The following CNTNAP3B variants were observed in gnomAD, a reference collection of about 807,000 sequenced individuals.
CNTNAP3B encodes contactin-associated protein-like 3B.
CNTNAP3B carries 25 observed loss-of-function variants against 108.9 expected under a neutral mutation model. The ratio of observed to expected loss-of-function variants is 0.23; its 90% CI spans 0.17 to 0.32. The LOEUF is 0.32. Among genes scored for constraint, CNTNAP3B ranks in the 10% least tolerant of loss-of-function variants. CNTNAP3B has a pLI of 1.00. For missense variants in CNTNAP3B, 252 were observed against 1,210.4 expected (o/e 0.21, Z 11.75); for synonymous variants, 103 against 473.4 (o/e 0.22, Z 10.16).
intron 13 of CNTNAP3B, among the ~76,000 whole-genome samples, chr9:41,943,345 ATTTTTTTT>A (rs1165684239): frequency 0.091 from 12,053 of 132,330 alleles, 100 homozygotes; most frequent in Middle Eastern, 0.17. Context: ...TTGGACAATA[ATTTTTTTT>A]TTTTTTTTTT....
chr9:41,894,579 T>C (rs1823386619), intron 23 of CNTNAP3B, among the ~76,000 whole-genome samples: 1 of 18,086 alleles, frequency 5.5e-5, no homozygotes, highest in Non-Finnish European at 1.1e-4. Flanking sequence ...AGTAATTTTA[T>C]AACATTTAAC....
chr9:41,953,310 C>T lies in CNTNAP3B; in HGVS notation c.1953G>A (p.Pro651=), dbSNP rs1343583158. Residue 651 remains proline, a synonymous_variant, in exon 13 of 24, where the codon CCG becomes CCA. Coordinates refer to ENST00000377561, the MANE Select transcript of CNTNAP3B (RefSeq NM_001201380.3). ...VTLRGAPSGH[P]LSAVSFAYAA... is the part of the protein sequence containing the mutation. ...CGTACGCGAAGGACACAGCCGAGAG[C>T]GGGTGCCCGCTGGGGGCACCTCGGA... 2.6e-6 allele frequency: 4 copies of T among 1,537,746 alleles called. No individual in the cohort carries two copies. The highest frequency in any genetic ancestry group is 3.5e-6 in the Non-Finnish European group (4 of 1,150,020).
chr9:41,942,122 T>C (rs1824365862), intron 13 of CNTNAP3B, among the ~76,000 whole-genome samples: 1 of 152,274 alleles, frequency 6.6e-6, no homozygotes, highest in Non-Finnish European at 1.5e-5. Flanking sequence ...TGAGAAGCAC[T>C]CTGAAGGTCA....
chr9:42,120,113 TCAAA>T (rs1828425993), intron 1 of CNTNAP3B, among the ~76,000 whole-genome samples: 2 of 150,414 alleles, frequency 1.3e-5, no homozygotes, highest in South Asian at 4.2e-4. Context: ...TACAATGAAC[TCAAA>T]CAAATTTACA....
At chr9:41,954,763 A>G (rs1364354901) in intron 12 of CNTNAP3B, among the ~76,000 whole-genome samples, 3 of 152,262 alleles carry the variant, frequency 2.0e-5, no homozygotes, top group Non-Finnish European at 2.9e-5. Flanking sequence ...AGCTCACTGC[A>G]GCCTCTGCCT....
chr9:41,977,299 TA>T (rs1261522706), intron 9 of CNTNAP3B, among the ~76,000 whole-genome samples: 3 of 151,598 alleles, frequency 2.0e-5, no homozygotes, highest in South Asian at 2.1e-4. Flanking sequence ...TAGTATCACT[TA>T]AAAAAATGAA....
Position 42,114,734 on chromosome 9 carries a change from C to A in CNTNAP3B, c.86-9995G>T, listed in dbSNP as rs1828274919. 1.6e-5 allele frequency among the ~76,000 whole-genome samples: 2 copies of A among 126,132 alleles called. 1 individual carries two copies. The highest frequency in any genetic ancestry group is 6.9e-5 in the African/African-American group (2 of 29,196). 82.7% of individuals were successfully genotyped at this position (126,132 alleles called of 152,430 possible). A position where few individuals can be genotyped will look rare whatever the true frequency, so the allele number is the denominator to read the frequency against. On this transcript the variant is annotated intron_variant, in intron 1 of 23. Transcript: ENST00000377561. ...ATGTGAAAAGCTACCCAAATGAAAC[C>A]CAGAAAAAACATGTTCCACTGAAGA...
intron 2 of CNTNAP3B, among the ~76,000 whole-genome samples, chr9:42,087,462 G>A (rs62558905): frequency 0.92 from 105,658 of 115,212 alleles, 49,224 homozygotes; most frequent in Non-Finnish European, 0.95. Flanking sequence ...ACTGCAGTAG[G>A]TTCCCCAAGC....
At chr9:42,063,487 C>G (rs1171967626) in intron 3 of CNTNAP3B, among the ~76,000 whole-genome samples, 2 of 133,384 alleles carry the variant, frequency 1.5e-5, no homozygotes, top group Non-Finnish European at 3.2e-5. Context: ...CTGCAGAATA[C>G]TCTTTTTGTC....
chr9:41,915,680 A>G (rs1426069587), intron 18 of CNTNAP3B, among the ~76,000 whole-genome samples: 7 of 144,468 alleles, frequency 4.8e-5, no homozygotes, highest in Non-Finnish European at 6.1e-5. Context: ...TTGTTTTTCA[A>G]TCATGAAAGG....
chr9:42,074,958 A>T (rs1317269160), intron 3 of CNTNAP3B, among the ~76,000 whole-genome samples: 2 of 146,048 alleles, frequency 1.4e-5, no homozygotes, highest in African/African-American at 5.3e-5. Flanking sequence ...AAAGTGATGG[A>T]GGCCATACGT....
chr9:42,044,635 T>C (rs1233408950), intron 3 of CNTNAP3B, among the ~76,000 whole-genome samples: 8 of 144,688 alleles, frequency 5.5e-5, no homozygotes, highest in African/African-American at 8.0e-5. Flanking sequence ...TCAGACGGGG[T>C]CCGAAGAAAT....
chr9:42,109,935 G>A (rs1299279367), intron 1 of CNTNAP3B, among the ~76,000 whole-genome samples: 3 of 137,888 alleles, frequency 2.2e-5, no homozygotes, highest in Admixed American at 2.2e-4. Flanking sequence ...ATGGAGTGAG[G>A]CACCCACAAG....
chr9:42,061,260 C>T (rs999856941), intron 3 of CNTNAP3B, among the ~76,000 whole-genome samples: 2 of 112,944 alleles, frequency 1.8e-5, no homozygotes, highest in African/African-American at 7.3e-5. Flanking sequence ...TTCTTTGACC[C>T]ACTGGTTGTT....
intron 3 of CNTNAP3B, among the ~76,000 whole-genome samples, chr9:42,042,348 C>T (rs577440411): frequency 7.6e-6 from 1 of 132,092 alleles, no homozygotes; most frequent in African/African-American, 3.0e-5. Context: ...ATAAACAATG[C>T]TGCAACCCTG....
intron 3 of CNTNAP3B, among the ~76,000 whole-genome samples, chr9:42,046,121 C>T (rs1219992523): frequency 1.6e-5 from 2 of 124,222 alleles, no homozygotes; most frequent in African/African-American, 3.3e-5. Context: ...ACACAAGGAC[C>T]GGCCTGTGAG....
chr9:42,123,997 T>G lies in CNTNAP3B; in HGVS notation c.85+5013A>C, dbSNP rs1429387421. ...GTTTTTATACTCTCAAAAAATGTGA[T>G]TATACTTAATCAAAAGTAATTCAAA... On this transcript the variant is annotated intron_variant, in intron 1 of 23. Transcript: ENST00000377561. Among the ~76,000 whole-genome samples, 6 of 130,332 alleles carry G rather than the reference T, an allele frequency of 4.6e-5. 1 individual carries two copies. The highest frequency in any genetic ancestry group is 1.9e-4 in the African/African-American group (6 of 31,864). 85.5% of individuals were successfully genotyped at this position (130,332 alleles called of 152,430 possible).
At chr9:42,023,542 T>A (rs1389878209) in intron 3 of CNTNAP3B, among the ~76,000 whole-genome samples, 5 of 106,904 alleles carry the variant, frequency 4.7e-5, no homozygotes, top group Non-Finnish European at 9.9e-5. Context: ...GCAAACTTGA[T>A]TTTTTTTAAT....
chr9:41,961,608 A>T (rs1407852008), intron 11 of CNTNAP3B, among the ~76,000 whole-genome samples: 1 of 152,306 alleles, frequency 6.6e-6, no homozygotes, highest in Non-Finnish European at 1.5e-5. Context: ...GCTTCCTTTA[A>T]AACAATATGA....
Sources: allele counts gnomAD v4.1 joint callset (sites outside exome capture counted in the v4.1 genomes callset), GRCh38; gene constraint gnomAD v4.1.1; transcripts MANE v1.5; gene names NCBI Gene and HGNC (gene_info 2026-07-23, HGNC 2026-07-21).